DISP3: variants seen among roughly 807,000 people sequenced by gnomAD.
The protein encoded by DISP3 is protein dispatched homolog 3.
DISP3 carries 101 observed loss-of-function variants against 135.3 expected under a neutral mutation model. The ratio of observed to expected loss-of-function variants is 0.75; its 90% CI spans 0.64 to 0.88. The LOEUF is 0.88. Ranked by LOEUF, DISP3 falls within the 40% of genes least tolerant of loss-of-function variation. DISP3 has a pLI of 0.00. For synonymous variants in DISP3, 856 were observed against 817.0 expected (o/e 1.05, Z -0.81); for missense variants, 1,713 against 1,878.6 (o/e 0.91, Z 1.63).
rs759526963 is a variant in DISP3 at position 11,501,671 on chromosome 1, A to G, written c.679A>G (p.Ser227Gly). 3.7e-6 allele frequency: 6 copies of G among 1,607,668 alleles called. No individual in the cohort carries two copies. The highest frequency in any genetic ancestry group is 5.1e-6 in the Non-Finnish European group (6 of 1,177,822). The change falls in exon 2 of 21, where the codon AGC becomes GGC. Residue 227 changes from serine to glycine, a missense_variant. By Grantham distance (56) the Ser-to-Gly change is moderately conservative. Transcript: ENST00000294484. This position sits in a 1 kb window ranked among gnomAD's most constrained non-coding sequence, Gnocchi z 4.9. ...TGAAGACCCGCGAAACCAGCGGCTG[A>G]GCAAGAATGGGCGGTACCAGCCCAG... ...QSEDPRNQRL[S>G]KNGRYQPSIP...
intron 1 of DISP3, among the ~76,000 whole-genome samples, chr1:11,497,301 A>T (rs1273349318): frequency 6.6e-6 from 1 of 152,176 alleles, no homozygotes. Flanking sequence ...TGGTGTACCC[A>T]TCACCCAAGC....
In DISP3 at chr1:11,520,993, C is replaced by T. The variant is rs1028211048; in HGVS notation, c.2362+145C>T. ...TCCCCTCTGAGCCCCCATGTTCCCA[C>T]AGTTCATTCAACAGATGCCTGCTGG... On this transcript the variant is annotated intron_variant, in intron 10 of 20. Coordinates refer to ENST00000294484, the MANE Select transcript of DISP3 (RefSeq NM_020780.2). This position sits in a 1 kb window ranked among gnomAD's most constrained non-coding sequence, Gnocchi z 4.8. 4.7e-6 allele frequency: 5 copies of T among 1,072,510 alleles called. No individual in the cohort carries two copies. The African/African-American group carries it at 8.0e-5, about 17-fold the overall frequency. The allele number at this position is 1,072,510 out of a possible 1,614,324, so 66.4% of individuals were successfully genotyped here. A position where few individuals can be genotyped will look rare whatever the true frequency, so the allele number is the denominator to read the frequency against.
chr1:11,479,986 G>A (rs1640848604), intron 1 of DISP3, among the ~76,000 whole-genome samples: 1 of 152,210 alleles, frequency 6.6e-6, no homozygotes, highest in South Asian at 2.1e-4. Flanking sequence ...CCGAGAACGC[G>A]AACGAGGGTG....
rs1371910110 is a variant in DISP3 at position 11,522,948 on chromosome 1, G to A, written c.2363-994G>A. On this transcript the variant is annotated intron_variant, in intron 10 of 20. Transcript: ENST00000294484. ...AGGACCCAGCCAGGACCCAGCCAGA[G>A]CCCAACCAGGACCCAGCCAGGACCC... Among the ~76,000 whole-genome samples the A allele has an allele frequency of 9.1e-4, 95 of 103,960 alleles. 3 individuals are homozygous for A. Among genetic ancestry groups the A allele is most frequent in the African/African-American group, 1.3e-3 (32 of 25,552 alleles). 68.2% of individuals were successfully genotyped at this position (103,960 alleles called of 152,430 possible). A position where few individuals can be genotyped will look rare whatever the true frequency, so the allele number is the denominator to read the frequency against.
chr1:11,501,073 C>T lies in DISP3; in HGVS notation c.81C>T (p.Thr27=), dbSNP rs754228147. 6.2e-7 allele frequency: 1 copy of T among 1,613,994 alleles called. No homozygotes were observed. The highest frequency in any genetic ancestry group is 1.7e-5 in the Admixed American group (1 of 59,998). The change falls in exon 2 of 21, where the codon ACC becomes ACT. Residue 27 remains threonine, a synonymous_variant. Transcript: ENST00000294484. The surrounding 1 kb of genome is among the most constrained non-coding windows in gnomAD (Gnocchi z 4.9). ...AGGAGGAAGAAGCAACGGGTGAAACCTTTTTAGGGGCCCAGAAGCCAGGGC... is the reference window on the plus strand; with the variant it reads ...AGGAGGAAGAAGCAACGGGTGAAACTTTTTTAGGGGCCCAGAAGCCAGGGC... The part of the protein sequence containing the change: ...EQEEEEATGE[T]FLGAQKPGPQ...
At chr1:11,494,404 T>C (rs1035278559) in intron 1 of DISP3, among the ~76,000 whole-genome samples, 5 of 152,122 alleles carry the variant, frequency 3.3e-5, no homozygotes, top group African/African-American at 1.2e-4. Context: ...CACCACCACA[T>C]CTCCAGTGCC....
rs199621277 is a variant in DISP3, at chr1:11,514,470, C to T, written c.1397C>T (p.Ala466Val). 5.0e-5 allele frequency: 80 copies of T among 1,614,000 alleles called. No individual in the cohort carries two copies. Among genetic ancestry groups the T allele is most frequent in the Non-Finnish European group, 6.4e-5 (76 of 1,179,944 alleles). Residue 466 changes from alanine (A) to valine (V), a missense_variant, in exon 4 of 21, where the codon GCC becomes GTC. By Grantham distance (64) the Ala-to-Val change is moderately conservative (BLOSUM62 0). Around this residue, in one of 2 missense-constraint regions of DISP3, gnomAD observed 1,142 missense variants for 1,384.6 expected, o/e 0.82. Coordinates refer to ENST00000294484, the MANE Select transcript of DISP3 (RefSeq NM_020780.2). The stretch of plus-strand genomic sequence containing the variant: ...ACGTTCAACAATGACATGCTCCTGG[C>T]CTTCATCAGCAGCAGCTGCATTGCT... ...RRTFNNDMLL[A>V]FISSSCIAAL...
chr1:11,509,668 T>G (rs956685158), intron 3 of DISP3, among the ~76,000 whole-genome samples: 6 of 152,234 alleles, frequency 3.9e-5, no homozygotes, highest in African/African-American at 1.2e-4. Flanking sequence ...CCTCTGAAAT[T>G]TACTTTATTT....
At chr1:11,527,431 C>T (rs1170497718) in intron 13 of DISP3, among the ~76,000 whole-genome samples, 1 of 152,068 alleles carries the variant, frequency 6.6e-6, no homozygotes, top group Non-Finnish European at 1.5e-5. Context: ...CACCTGTAAT[C>T]CCAGCTACTC....
rs761837587 is a variant in DISP3 at position 11,535,591 on chromosome 1, C to G, written c.3763C>G (p.Leu1255Val). ...VGSSVDYCVH[L>V]VEGYLLAGEN... ...CTCCTCCGTGGATTACTGCGTCCAC[C>G]TGGTCGAGGGCTACCTGCTGGCTGG... Residue 1255 changes from leucine (L) to valine (V), a missense_variant, in exon 20 of 21, where the codon CTG (leucine) becomes GTG (valine). Around this residue, in one of 2 missense-constraint regions of DISP3, gnomAD observed 1,142 missense variants for 1,384.6 expected, o/e 0.82. Coordinates refer to ENST00000294484, the MANE Select transcript of DISP3 (RefSeq NM_020780.2). The G allele has an allele frequency of 1.9e-6, 3 of 1,613,444 alleles. No individual in the cohort carries two copies. The Admixed American group carries it at 5.0e-5, about 27-fold the overall frequency.
chr1:11,512,381 A>G (rs1190291742), intron 3 of DISP3, among the ~76,000 whole-genome samples: 2 of 152,130 alleles, frequency 1.3e-5, no homozygotes, highest in African/African-American at 4.8e-5. Context: ...CTGCTTAGAA[A>G]TTTCTTCTGC....
chr1:11,521,107 G>T (rs1642175205), intron 10 of DISP3, among the ~76,000 whole-genome samples: 1 of 152,092 alleles, frequency 6.6e-6, no homozygotes, highest in Non-Finnish European at 1.5e-5. Flanking sequence ...CAGCTCTAGG[G>T]CCCGGTCACT....
At chr1:11,526,013 G>A (rs1320230010) in intron 12 of DISP3, among the ~76,000 whole-genome samples, 1 of 152,138 alleles carries the variant, frequency 6.6e-6, no homozygotes, top group Non-Finnish European at 1.5e-5. Flanking sequence ...GGGTCTCTCT[G>A]TGTAGCCCAG....
At chr1:11,500,077 G>C (rs1641458441) in intron 1 of DISP3, among the ~76,000 whole-genome samples, 1 of 152,252 alleles carries the variant, frequency 6.6e-6, no homozygotes. Context: ...TCTCCTGCCA[G>C]GCCCTCCTGC....
intron 1 of DISP3, among the ~76,000 whole-genome samples, chr1:11,492,904 G>A (rs1641229168): frequency 6.6e-6 from 1 of 152,164 alleles, no homozygotes; most frequent in Admixed American, 6.5e-5. Context: ...GAGATTCTAG[G>A]TAGGACTTGG....
In DISP3 at chr1:11,536,474, G is replaced by A; in HGVS notation, c.3967G>A (p.Ala1323Thr). The A allele has an allele frequency of 6.2e-7, 1 of 1,613,520 alleles. No individual in the cohort carries two copies. Among genetic ancestry groups the A allele is most frequent in the Non-Finnish European group, 8.5e-7 (1 of 1,179,930 alleles). Residue 1323 changes from alanine (A) to threonine (T), a missense_variant, in exon 21 of 21, where the codon GCA (alanine) becomes ACA (threonine). Ala to Thr is a moderately conservative substitution (Grantham distance 58). This residue lies in a region of DISP3 where 1,142 missense variants were observed against 1,384.6 expected (regional missense o/e 0.82). Coordinates refer to ENST00000294484, the MANE Select transcript of DISP3 (RefSeq NM_020780.2). The surrounding 1 kb of genome is among the most constrained non-coding windows in gnomAD (Gnocchi z 4.3). ...APFAKFGKIV[A>T]LNTGVSILYT... ...ATTTGCCAAGTTCGGCAAGATTGTG[G>A]CACTCAACACGGGCGTGTCCATCCT...
intron 6 of DISP3, among the ~76,000 whole-genome samples, chr1:11,517,130 T>C (rs6540981): frequency 0.061 from 9,134 of 148,744 alleles, 884 homozygotes; most frequent in African/African-American, 0.21. Flanking sequence ...TAGCGGGATG[T>C]GTCTTCCTCT....
At chr1:11,525,111 T>C (rs903748127) in intron 11 of DISP3, 65 bp from the exon 12 acceptor site, 1 of 1,590,940 alleles carries the variant, frequency 6.3e-7, no homozygotes, top group African/African-American at 1.3e-5. Flanking sequence ...GGTGGGCTGC[T>C]CCAGGGTCAG....
chr1:11,517,333 G>T, intron 6 of DISP3, 130 bp from the exon 7 acceptor site: 1 of 1,232,342 alleles, frequency 8.1e-7, no homozygotes, highest in Non-Finnish European at 1.2e-6. Flanking sequence ...CTGGCAGCCT[G>T]GGCCTCCTCC....
Sources: gnomAD v4.1 joint callset for allele counts (sites outside exome capture counted in the v4.1 genomes callset) on GRCh38, gnomAD v4.1.1 for gene constraint, gnomAD v4.1.1 regional missense constraint, Gnocchi (gnomAD v3.1) non-coding constraint, MANE v1.5 for transcripts, NCBI Gene and HGNC (gene_info 2026-07-23, HGNC 2026-07-21) for gene names.